Variants in RBFOX1 observed in about 807,000 individuals in gnomAD.
RBFOX1 encodes RNA binding protein fox-1 homolog 1.
In RBFOX1, 8 loss-of-function variants were observed where a neutral mutation model predicts 57.7. The ratio of observed to expected loss-of-function variants is 0.14; its 90% CI spans 0.08 to 0.25. The LOEUF is 0.25. RBFOX1 is among the 10% of genes least tolerant of loss of function. RBFOX1 has a pLI of 1.00. For missense variants in RBFOX1, 611 were observed against 548.5 expected (o/e 1.11, Z -1.14); for synonymous variants, 326 against 222.4 (o/e 1.47, Z -4.15).
At chr16:7,055,625 T>C (rs2051914202) in intron 4 of RBFOX1, among the ~76,000 whole-genome samples, 1 of 152,172 alleles carries the variant, frequency 6.6e-6, no homozygotes, top group African/African-American at 2.4e-5. Context: ...TTTTCTTAGA[T>C]GTCATTGGCC....
intron 3 of RBFOX1, among the ~76,000 whole-genome samples, chr16:6,765,229 G>C (rs1348357258): frequency 6.6e-6 from 1 of 152,118 alleles, no homozygotes; most frequent in African/African-American, 2.4e-5. Context: ...AACAGAATGA[G>C]GCCAGAACAC....
At chr16:6,800,605 A>C (rs1366382931) in intron 3 of RBFOX1, among the ~76,000 whole-genome samples, 3 of 152,100 alleles carry the variant, frequency 2.0e-5, no homozygotes, top group African/African-American at 7.2e-5. Flanking sequence ...TTAAAGAGCA[A>C]ATTCAGGATA....
intron 4 of RBFOX1, among the ~76,000 whole-genome samples, chr16:7,073,106 C>G (rs1188460491): frequency 1.3e-5 from 2 of 152,156 alleles, no homozygotes; most frequent in Admixed American, 6.5e-5. Flanking sequence ...AAAGATCAGA[C>G]TTTAGGAGTA....
intron 2 of RBFOX1, among the ~76,000 whole-genome samples, chr16:6,532,420 G>A (rs777248219): frequency 1.5e-4 from 23 of 152,168 alleles, no homozygotes; most frequent in Non-Finnish European, 3.1e-4. Flanking sequence ...GGCCCTCAGA[G>A]ACCATTACTG....
intron 4 of RBFOX1, among the ~76,000 whole-genome samples, chr16:7,178,336 A>G (rs1366963512): frequency 5.9e-5 from 9 of 152,204 alleles, no homozygotes; most frequent in South Asian, 2.1e-4. Context: ...AGGTCTTCCA[A>G]TGGTAATTAA....
intron 13 of RBFOX1, among the ~76,000 whole-genome samples, chr16:7,667,238 G>A (rs2069650593): frequency 6.6e-6 from 1 of 152,138 alleles, no homozygotes; most frequent in Admixed American, 6.5e-5. Flanking sequence ...TATTGCTGCT[G>A]GTGTGCATCC....
chr16:5,256,597 T>A (rs1019048673), intron 1 of RBFOX1, among the ~76,000 whole-genome samples: 9 of 152,266 alleles, frequency 5.9e-5, no homozygotes, highest in African/African-American at 2.2e-4. Context: ...TGATGTTTCC[T>A]AATCTGTGAA....
intron 1 of RBFOX1, among the ~76,000 whole-genome samples, chr16:5,375,531 G>A (rs183087810): frequency 2.0e-5 from 3 of 152,298 alleles, no homozygotes; most frequent in African/African-American, 7.2e-5. Context: ...GGACTGCGAG[G>A]TGTGTACATG....
chr16:5,333,768 C>A (rs114229261), intron 1 of RBFOX1, among the ~76,000 whole-genome samples: 1,888 of 152,316 alleles, frequency 0.012, 44 homozygotes, highest in African/African-American at 0.042. Flanking sequence ...CACTCCTAGG[C>A]TGCAAACCTC....
At chr16:7,098,024 A>G (rs1245948444) in intron 4 of RBFOX1, among the ~76,000 whole-genome samples, 2 of 152,228 alleles carry the variant, frequency 1.3e-5, no homozygotes, top group Non-Finnish European at 2.9e-5. Context: ...AAATGAGCTC[A>G]GTGATGGAGT....
intron 3 of RBFOX1, among the ~76,000 whole-genome samples, chr16:6,965,806 AGTCTTT>A (rs1405981697): frequency 6.6e-6 from 1 of 152,142 alleles, no homozygotes; most frequent in Non-Finnish European, 1.5e-5. Flanking sequence ...TTCATTAGTC[AGTCTTT>A]TAATCTGTAC....
chr16:5,965,171 T>C (rs759533844), intron 4 of RBFOX1, among the ~76,000 whole-genome samples: 2 of 152,188 alleles, frequency 1.3e-5, no homozygotes, highest in Middle Eastern at 3.2e-3. Context: ...ACTCTGTTTA[T>C]ACCACACAGT....
chr16:5,248,468 G>C (rs7191606), intron 1 of RBFOX1, among the ~76,000 whole-genome samples: 151,602 of 152,268 alleles, frequency 1, 75,471 homozygotes, highest in Middle Eastern at 1. Context: ...CTATTCGGCC[G>C]CAGCTGGAAG....
chr16:7,222,275 C>T (rs988079578), intron 4 of RBFOX1, among the ~76,000 whole-genome samples: 2 of 152,112 alleles, frequency 1.3e-5, no homozygotes, highest in East Asian at 1.9e-4. Flanking sequence ...GTCTCAGAAG[C>T]GTAAGATATA....
intron 3 of RBFOX1, among the ~76,000 whole-genome samples, chr16:6,794,762 G>A (rs1367690737): frequency 2.0e-5 from 3 of 152,152 alleles, no homozygotes. Context: ...TGTGGTTGAT[G>A]TAGGGAAACA....
Position 7,178,952 on chromosome 16 carries a change from A to G in RBFOX1, c.27+126854A>G, listed in dbSNP as rs1363067615. On this transcript the variant is annotated intron_variant, in intron 4 of 15. Coordinates refer to ENST00000550418, the MANE Select transcript of RBFOX1 (RefSeq NM_018723.4). ...TGAAGTCTCTCTCTGTTTATGGTTA[A>G]CACTGCTGGCCCATTATAATTTTCG... Among the ~76,000 whole-genome samples the G allele has an allele frequency of 2.0e-5, 3 of 152,234 alleles. No homozygotes were observed. In the East Asian group the frequency reaches 5.8e-4, roughly 29 times the overall value.
At chr16:6,780,232 TATATATATTTAC>T (rs1191003403) in intron 3 of RBFOX1, among the ~76,000 whole-genome samples, 2 of 77,490 alleles carry the variant, frequency 2.6e-5, no homozygotes, top group Non-Finnish European at 4.2e-5. Flanking sequence ...TATATATATT[TATATATATTTAC>T]ATATATATTT....
At chr16:7,031,785 C>G (rs992858596) in intron 3 of RBFOX1, among the ~76,000 whole-genome samples, 3 of 152,160 alleles carry the variant, frequency 2.0e-5, no homozygotes, top group Admixed American at 2.0e-4. Context: ...AGAGAAGATG[C>G]AGATGGCTTG....
chr16:7,705,523 A>G (rs538687227), intron 14 of RBFOX1, among the ~76,000 whole-genome samples: 1 of 152,292 alleles, frequency 6.6e-6, no homozygotes, highest in African/African-American at 2.4e-5. Flanking sequence ...TAAATTTTTT[A>G]AAAATCCTAT....
Sources: allele counts gnomAD v4.1 joint callset (sites outside exome capture counted in the v4.1 genomes callset), GRCh38; gene constraint gnomAD v4.1.1; transcripts MANE v1.5; gene names NCBI Gene and HGNC (gene_info 2026-07-23, HGNC 2026-07-21).